The following DST variants were observed in gnomAD, a reference collection of about 807,000 sequenced individuals.
DST encodes dystonin, also known as bullous pemphigoid antigen.
Under a neutral mutation model 875.2 loss-of-function variants are expected in DST, and 253 were observed. The ratio of observed to expected loss-of-function variants is 0.29; its 90% confidence interval spans 0.26 to 0.32. The LOEUF (loss-of-function observed/expected upper bound fraction) is 0.32, where lower values mean the gene tolerates loss of function less well. Ranked by LOEUF, DST falls within the 10% of genes least tolerant of loss-of-function variation. DST has a pLI of 1.00. For missense variants in DST, 8,287 were observed against 9,111.6 expected (o/e 0.91, Z 3.68); for synonymous variants, 3,124 against 3,197.1 (o/e 0.98, Z 0.77).
chr6:56,581,867 T>C (rs1463854094), intron 49 of DST, among the ~76,000 whole-genome samples: 2 of 152,216 alleles, frequency 1.3e-5, no homozygotes, highest in Non-Finnish European at 2.9e-5. Flanking sequence ...TCTCATTCTC[T>C]GTACCTATAC....
Position 56,749,628 on chromosome 6 carries a change from C to G in DST, c.626-14339G>C, listed in dbSNP as rs932659369. ...ATCACTGTGGTCTCTTTAATTTGAC[C>G]AGGGAGTTTAAGAGTATTTTTTCAG... On this transcript the variant is annotated intron_variant, in intron 4 of 103. Coordinates refer to ENST00000680361, the MANE Select transcript of DST (RefSeq NM_001374736.1). 2.6e-5 allele frequency among the ~76,000 whole-genome samples: 4 copies of G among 151,914 alleles called. No individual in the cohort carries two copies. In the East Asian group the frequency reaches 7.7e-4, roughly 29 times the overall value.
intron 36 of DST, among the ~76,000 whole-genome samples, chr6:56,621,340 G>T (rs1025056335): frequency 2.0e-5 from 3 of 152,164 alleles, no homozygotes; most frequent in Non-Finnish European, 4.4e-5. Flanking sequence ...AATTTCTAAA[G>T]TCAGATCCCT....
intron 49 of DST, among the ~76,000 whole-genome samples, chr6:56,588,429 C>T (rs947428487): frequency 1.3e-5 from 2 of 152,164 alleles, no homozygotes; most frequent in Admixed American, 6.5e-5. Context: ...TCTCCTCACT[C>T]CTAGCTTTAG....
intron 4 of DST, among the ~76,000 whole-genome samples, chr6:56,837,728 TG>T (rs1218737823): frequency 6.6e-6 from 1 of 152,140 alleles, no homozygotes; most frequent in Non-Finnish European, 1.5e-5. Flanking sequence ...GTCAATGAAA[TG>T]GAACAGTCAT....
chr6:56,596,542 A>G (rs2098389573), intron 47 of DST, among the ~76,000 whole-genome samples: 1 of 152,076 alleles, frequency 6.6e-6, no homozygotes, highest in Admixed American at 6.5e-5. Context: ...AATTCACTAG[A>G]TTTTTCATTT....
chr6:56,631,163 A>C, intron 30 of DST, 48 bp downstream of exon 30: 1 of 949,750 alleles, frequency 1.1e-6, no homozygotes, highest in Non-Finnish European at 1.5e-6. Context: ...GTAAATAAAA[A>C]TGAGAGTTGT....
chr6:56,792,249 G>T (rs1401017568), intron 4 of DST, among the ~76,000 whole-genome samples: 1 of 151,646 alleles, frequency 6.6e-6, no homozygotes, highest in African/African-American at 2.4e-5. Flanking sequence ...CTTTGTGGAA[G>T]AAAGCCAGCT....
intron 36 of DST, chr6:56,618,533 T>C: frequency 6.2e-7 from 1 of 1,614,228 alleles, no homozygotes; most frequent in Non-Finnish European, 8.5e-7. Context: ...GGCTATCAGC[T>C]CATCCTCAAG....
At position 56,551,460 on chromosome 6, in the gene DST, C is replaced by G. The variant is rs571893977; in HGVS notation, c.16608+724G>C. 5.3e-5 allele frequency among the ~76,000 whole-genome samples: 8 copies of G among 152,162 alleles called. No individual in the cohort carries two copies. In the South Asian group the frequency reaches 1.0e-3, roughly 20 times the overall value. On this transcript the variant is annotated intron_variant, in intron 61 of 103. Transcript: ENST00000680361. Reference sequence around the variant, plus strand: ...TCCAGGGATAAACCTATCTTTGTCCCCTATACAGATGTGACTTCTGTTCTC... The same window carrying G: ...TCCAGGGATAAACCTATCTTTGTCCGCTATACAGATGTGACTTCTGTTCTC...
At chr6:56,812,108 A>AG (rs1561960811) in intron 4 of DST, among the ~76,000 whole-genome samples, 13 of 142,600 alleles carry the variant, frequency 9.1e-5, no homozygotes, top group South Asian at 4.3e-4. Flanking sequence ...ACTCAAAAAA[A>AG]AAAAAGAAAA....
chr6:56,660,039 A>G (rs535507243), intron 10 of DST, among the ~76,000 whole-genome samples: 1 of 152,296 alleles, frequency 6.6e-6, no homozygotes, highest in African/African-American at 2.4e-5. Flanking sequence ...TGAGAGTAGG[A>G]GTCTAGATCA....
intron 49 of DST, among the ~76,000 whole-genome samples, chr6:56,582,625 A>C (rs982885159): frequency 6.7e-6 from 1 of 149,878 alleles, no homozygotes; most frequent in African/African-American, 2.5e-5. Context: ...TTAAAGTTTT[A>C]GGGTACGTGT....
chr6:56,726,872 C>A (rs1384694479), intron 5 of DST, among the ~76,000 whole-genome samples: 1 of 152,166 alleles, frequency 6.6e-6, no homozygotes, highest in African/African-American at 2.4e-5. Flanking sequence ...GTGTATCAGA[C>A]AATATGCTAG....
Position 56,508,567 on chromosome 6 carries a change from C to T in DST, c.19201G>A (p.Asp6401Asn). 3 of 1,613,842 alleles carry T rather than the reference C, an allele frequency of 1.9e-6. No individual in the cohort carries two copies. The highest frequency in any genetic ancestry group is 2.5e-6 in the Non-Finnish European group (3 of 1,179,794). ...FIRDLEDPGIDPSVVKQQQEA... is the reference protein window; with the variant it reads ...FIRDLEDPGINPSVVKQQQEA... ...TGCTGTTGTTTTACTACTGAAGGAT[C>T]AATTCCAGGATCTTCCAGGTCCCGG... Residue 6401 changes from aspartate (D) to asparagine (N), a missense_variant, in exon 75 of 104, where the codon GAT becomes AAT. Coordinates refer to ENST00000680361, the MANE Select transcript of DST (RefSeq NM_001374736.1).
intron 53 of DST, among the ~76,000 whole-genome samples, chr6:56,571,792 G>T (rs917923966): frequency 6.6e-6 from 1 of 152,266 alleles, no homozygotes. Context: ...TGTGATATTT[G>T]CCCTAGGCTT....
chr6:56,929,944 G>C (rs1175184440), intron 2 of DST, among the ~76,000 whole-genome samples: 1 of 152,160 alleles, frequency 6.6e-6, no homozygotes, highest in Non-Finnish European at 1.5e-5. Context: ...GTAAGATAAA[G>C]GAAATGAAAA....
chr6:56,664,833 A>C (rs1006491517), intron 10 of DST, among the ~76,000 whole-genome samples: 3 of 152,150 alleles, frequency 2.0e-5, no homozygotes, highest in Non-Finnish European at 2.9e-5. Context: ...TAGTATAGGT[A>C]TGTAGTATTT....
chr6:56,893,294 G>A (rs963662842), intron 3 of DST, among the ~76,000 whole-genome samples: 1 of 152,110 alleles, frequency 6.6e-6, no homozygotes, highest in Middle Eastern at 3.2e-3. Flanking sequence ...TAGAATAATA[G>A]TCTCCAATCT....
chr6:56,573,049 T>C lies in DST; in HGVS notation c.13252A>G (p.Ile4418Val), dbSNP rs2097800027. 6.4e-7 allele frequency: 1 copy of C among 1,569,566 alleles called. No individual in the cohort carries two copies. The highest frequency in any genetic ancestry group is 8.6e-7 in the Non-Finnish European group (1 of 1,159,758). The stretch of plus-strand genomic sequence containing the variant: ...TTTATACTGCTCTGACGACCTGCAA[T>C]ATCCTGTTCCAACATCTAAAATAAA... ...ISKNIMLEQD[I>V]AGRQSSINAM... Residue 4418 changes from isoleucine to valine, a missense_variant, in exon 52 of 104, where the codon ATT becomes GTT. Physicochemically the swap from Ile to Val is conservative, Grantham distance 29 (BLOSUM62 3). Around this residue, in one of 10 missense-constraint regions of DST, gnomAD observed 1,513 missense variants for 1,677.8 expected, o/e 0.90. Coordinates refer to ENST00000680361, the MANE Select transcript of DST (RefSeq NM_001374736.1).
Sources: gnomAD v4.1 joint callset for allele counts (sites outside exome capture counted in the v4.1 genomes callset) on GRCh38, gnomAD v4.1.1 for gene constraint, gnomAD v4.1.1 regional missense constraint, MANE v1.5 for transcripts, NCBI Gene and HGNC (gene_info 2026-07-23, HGNC 2026-07-21) for gene names.